SLC35E3: variants seen among roughly 807,000 people sequenced by gnomAD.
SLC35E3 encodes the protein solute carrier family 35 member E3, also known as bladder cancer-overexpressed gene 1 protein.
SLC35E3 carries 28 observed loss-of-function variants against 30.8 expected under a neutral mutation model. The ratio of observed to expected loss-of-function variants is 0.91; its 90% confidence interval spans 0.67 to 1.25. The LOEUF is 1.25. Among genes scored for constraint, SLC35E3 ranks in the 50% most tolerant of loss-of-function variants. The pLI is 0.00. For missense variants in SLC35E3, 365 were observed against 375.4 expected (o/e 0.97, Z 0.23); for synonymous variants, 146 against 149.2 (o/e 0.98, Z 0.16).
At chr12:68,755,749 AG>A (rs1565714195) in intron 3 of SLC35E3, among the ~76,000 whole-genome samples, 1 of 152,162 alleles carries the variant, frequency 6.6e-6, no homozygotes, top group Non-Finnish European at 1.5e-5. Context: ...AGCTCTCATG[AG>A]AACTAATAGA....
rs1210157646 is a variant in SLC35E3 at position 68,752,058 on chromosome 12, AC to A, written c.541del (p.Gln181LysfsTer2). On this transcript the variant is annotated frameshift_variant, in exon 3 of 5. Transcript: ENST00000398004. LOFTEE classifies it high-confidence loss of function. The stretch of plus-strand genomic sequence containing the variant: ...GGGTAGGAGCCAAACAGCATGAATT[AC>A]AAGTGAACTCAATGCAGCTGCTGTA... ...VWVGAKQHEL[Q>X]VNSMQLLYYQ... The A allele has an allele frequency of 6.2e-7, 1 of 1,607,306 alleles. No homozygotes were observed. Among genetic ancestry groups the A allele is most frequent in the Admixed American group, 1.7e-5 (1 of 57,762 alleles).
chr12:68,751,936 C>T, intron 2 of SLC35E3, 96 bp from the exon 3 acceptor site: 1 of 1,208,474 alleles, frequency 8.3e-7, no homozygotes, highest in East Asian at 2.4e-5. Flanking sequence ...CTAGTCTATA[C>T]CCCACATTCC....
intron 2 of SLC35E3, among the ~76,000 whole-genome samples, chr12:68,748,736 G>A (rs1201531560): frequency 2.0e-5 from 3 of 152,064 alleles, no homozygotes; most frequent in South Asian, 2.1e-4. Context: ...ACAGTGAAAC[G>A]GTATTCTCTC....
chr12:68,749,593 A>G (rs1325264565), intron 2 of SLC35E3, among the ~76,000 whole-genome samples: 1 of 152,214 alleles, frequency 6.6e-6, no homozygotes, highest in East Asian at 1.9e-4. Context: ...ATGTACCCCA[A>G]GGTAGGAGGA....
chr12:68,760,285 C>G (rs1879196659), intron 4 of SLC35E3: 1 of 152,128 alleles, frequency 6.6e-6, no homozygotes, highest in Non-Finnish European at 1.5e-5. Flanking sequence ...CACTCTGCCC[C>G]CACCCTTAGG....
At chr12:68,763,041 GA>G (rs1879276699) in intron 4 of SLC35E3, among the ~76,000 whole-genome samples, 1 of 152,212 alleles carries the variant, frequency 6.6e-6, no homozygotes, top group African/African-American at 2.4e-5. Context: ...TACGATCTAT[GA>G]TGTTGGGTGG....
intron 2 of SLC35E3, 99 bp downstream of exon 2, chr12:68,748,139 C>A: frequency 2.8e-6 from 2 of 703,208 alleles, no homozygotes; most frequent in Non-Finnish European, 5.0e-6. Flanking sequence ...AGACAATAGA[C>A]TGTTGGGAAG....
intron 4 of SLC35E3, among the ~76,000 whole-genome samples, chr12:68,762,055 G>C (rs1879247963): frequency 6.6e-6 from 1 of 151,932 alleles, no homozygotes; most frequent in African/African-American, 2.4e-5. Flanking sequence ...CAAACTGTTG[G>C]GCTCAAGCAT....
At chr12:68,755,130 T>TCAA (rs1175234766) in intron 3 of SLC35E3, among the ~76,000 whole-genome samples, 6 of 152,200 alleles carry the variant, frequency 3.9e-5, no homozygotes, top group Non-Finnish European at 8.8e-5. Context: ...AGCTCTCTTG[T>TCAA]ATCTCTTCTT....
chr12:68,773,242 C>G lies in SLC35E3; in HGVS notation c.*8352C>G, dbSNP rs1436260009. On this transcript the variant is annotated 3_prime_UTR_variant, in exon 5 of 5. Transcript: ENST00000398004. The stretch of plus-strand genomic sequence containing the variant: ...GTAAAAAAGAGTCTACAGTTCAGTG[C>G]AGGATAGGGATGGGTGGGCCTTAAT... The G allele has an allele frequency of 2.0e-5, 3 of 152,040 alleles. No homozygotes were observed. The East Asian group carries it at 5.8e-4, about 29-fold the overall frequency. 9.4% of individuals were successfully genotyped at this position (152,040 alleles called of 1,614,324 possible).
rs764482804 is a variant in SLC35E3 at position 68,748,050 on chromosome 12, T to A, written c.513+10T>A. ...ATCCCTTTATCAAGTGGTTGGTAAT[T>A]TTTTTTTCTTTATGTGCCTTTTTAG... On this transcript the variant is annotated intron_variant, in intron 2 of 4. Transcript: ENST00000398004. 88 of 1,502,254 alleles carry A rather than the reference T, an allele frequency of 5.9e-5. No homozygotes were observed. The highest frequency in any genetic ancestry group is 3.1e-5 in the Non-Finnish European group (34 of 1,086,848). 93.1% of individuals were successfully genotyped at this position (1,502,254 alleles called of 1,614,324 possible).
In SLC35E3 at chr12:68,748,027, C is replaced by T; in HGVS notation, c.500C>T (p.Ser167Phe). Residue 167 changes from serine to phenylalanine, a missense_variant, in exon 2 of 5, where the codon TCC becomes TTC. Transcript: ENST00000398004. The part of the protein sequence containing the change: ...VFAALGVLVT[S>F]LYQVWVGAKQ... ...GCTGCTCTTGGTGTTTTAGTTACAT[C>T]CCTTTATCAAGTGGTTGGTAATTTT... 2 of 1,597,072 alleles carry T rather than the reference C, an allele frequency of 1.3e-6. No homozygotes were observed. Among genetic ancestry groups the T allele is most frequent in the Non-Finnish European group, 1.7e-6 (2 of 1,167,816 alleles).
At chr12:68,751,946 C>G (rs1432441638) in intron 2 of SLC35E3, 86 bp from the exon 3 acceptor site, 6 of 1,316,574 alleles carry the variant, frequency 4.6e-6, no homozygotes, top group Non-Finnish European at 5.2e-6. Context: ...CCCCACATTC[C>G]CATCTTTGTG....
In SLC35E3 at chr12:68,758,729, C is replaced by CTTTTTTTTTT. The variant is rs776771224; in HGVS notation, c.673-407_673-398dup. On this transcript the variant is annotated intron_variant, in intron 3 of 4. Coordinates refer to ENST00000398004, the MANE Select transcript of SLC35E3 (RefSeq NM_018656.5). ...TGTCTCCCAACCCCAAATTCTCTTTCTTTTTTTTTTTTTTTTTTTTTTTTT... is the reference window on the plus strand; with the variant it reads ...TGTCTCCCAACCCCAAATTCTCTTTCTTTTTTTTTTTTTTTTTTTTTTTTTTTTTTTTTTT... Among the ~76,000 whole-genome samples, 15 of 48,376 alleles carry CTTTTTTTTTT rather than the reference C, an allele frequency of 3.1e-4. 1 individual carries two copies. The highest frequency in any genetic ancestry group is 1.1e-3 in the African/African-American group (13 of 12,304). 31.7% of individuals were successfully genotyped at this position (48,376 alleles called of 152,430 possible).
chr12:68,747,831 A>G (rs1592532615), intron 1 of SLC35E3, 99 bp from the exon 2 acceptor site: 2 of 623,696 alleles, frequency 3.2e-6, no homozygotes, highest in Non-Finnish European at 5.8e-6. Flanking sequence ...TTTCCCAGTT[A>G]TGTGTTTATC....
Position 68,746,349 on chromosome 12 carries a change from G to C in SLC35E3, c.-29G>C. Reference sequence around the variant, plus strand: ...GAGACAGGCCCGGCGCCCCTTCCGAGGCTAGACGGCCCCAGCTTCGCGGGG... The same window carrying C: ...GAGACAGGCCCGGCGCCCCTTCCGACGCTAGACGGCCCCAGCTTCGCGGGG... On this transcript the variant is annotated 5_prime_UTR_variant, in exon 1 of 5. Coordinates refer to ENST00000398004, the MANE Select transcript of SLC35E3 (RefSeq NM_018656.5). The C allele has an allele frequency of 6.5e-7, 1 of 1,539,358 alleles. No individual in the cohort carries two copies. The highest frequency in any genetic ancestry group is 8.7e-7 in the Non-Finnish European group (1 of 1,144,924).
At chr12:68,746,907 G>T in intron 1 of SLC35E3, 128 bp downstream of exon 1, 1 of 1,074,818 alleles carries the variant, frequency 9.3e-7, no homozygotes, top group Non-Finnish European at 1.3e-6. Flanking sequence ...CTGTGGGCAT[G>T]TGAACTTTTA....
At position 68,766,864 on chromosome 12, in the gene SLC35E3, C is replaced by T. The variant is rs1409117657; in HGVS notation, c.*1974C>T. 1.9e-5 allele frequency: 8 copies of T among 418,882 alleles called. No homozygotes were observed. The highest frequency in any genetic ancestry group is 3.9e-5 in the Non-Finnish European group (8 of 207,652). 25.9% of individuals were successfully genotyped at this position (418,882 alleles called of 1,614,324 possible). On this transcript the variant is annotated 3_prime_UTR_variant, in exon 5 of 5. Coordinates refer to ENST00000398004, the MANE Select transcript of SLC35E3 (RefSeq NM_018656.5). ...CCTCTCGAAGTGCTGGGATTACAGG[C>T]CTGAGCCACCACACCTGGCCAGTAA...
At chr12:68,751,890 G>T in intron 2 of SLC35E3, 142 bp from the exon 3 acceptor site, 1 of 727,534 alleles carries the variant, frequency 1.4e-6, no homozygotes. Context: ...ACTGGTCTTT[G>T]AAATCTTGTA....
Sources: gnomAD v4.1 joint callset for allele counts (sites outside exome capture counted in the v4.1 genomes callset) on GRCh38, gnomAD v4.1.1 for gene constraint, MANE v1.5 for transcripts, NCBI Gene and HGNC (gene_info 2026-07-23, HGNC 2026-07-21) for gene names.